Variants in MACF1 observed in about 807,000 individuals in gnomAD.
MACF1 encodes the protein microtubule actin crosslinking factor 1.
Under a neutral mutation model 854.8 loss-of-function variants are expected in MACF1, and 193 were observed. The observed-to-expected ratio is 0.23, with a 90% CI of 0.20 to 0.25. The LOEUF (loss-of-function observed/expected upper bound fraction) is 0.25, where lower values mean the gene tolerates loss of function less well. Among genes scored for constraint, MACF1 ranks in the 10% least tolerant of loss-of-function variants. MACF1 has a pLI of 1.00. For synonymous variants in MACF1, 3,185 were observed against 3,226.7 expected (o/e 0.99, Z 0.44); for missense variants, 7,722 against 8,929.1 (o/e 0.86, Z 5.45).
chr1:39,109,128 A>G (rs1431757917), intron 2 of MACF1, among the ~76,000 whole-genome samples: 1 of 152,178 alleles, frequency 6.6e-6, no homozygotes, highest in East Asian at 1.9e-4. Flanking sequence ...GTTAATTTCT[A>G]CTGTGTGACC....
intron 35 of MACF1, among the ~76,000 whole-genome samples, chr1:39,326,067 A>G (rs1341111273): frequency 2.0e-5 from 3 of 152,224 alleles, no homozygotes; most frequent in Middle Eastern, 6.8e-3. Flanking sequence ...GAGTGCAAGG[A>G]TAATGGTAAG....
rs535091729 is a variant in MACF1 at position 39,374,470 on chromosome 1, T to C, written c.13213+1874T>C. On this transcript the variant is annotated intron_variant, in intron 52 of 100. Transcript: ENST00000564288. ...CACAAGTGACATTTCAGGGAATTGG[T>C]GATATATCAACCTCTACGTTCAGTG... Among the ~76,000 whole-genome samples the C allele has an allele frequency of 1.9e-3, 282 of 152,334 alleles. 2 individuals are homozygous for C. Among genetic ancestry groups the C allele is most frequent in the African/African-American group, 6.2e-3 (259 of 41,582 alleles).
intron 1 of MACF1, among the ~76,000 whole-genome samples, chr1:39,214,713 G>A (rs1381105248): frequency 6.6e-6 from 1 of 152,198 alleles, no homozygotes; most frequent in Non-Finnish European, 1.5e-5. Flanking sequence ...GTAAGTGCGG[G>A]GAAGGGAAAC....
intron 2 of MACF1, among the ~76,000 whole-genome samples, chr1:39,247,022 C>T (rs1453865278): frequency 3.3e-5 from 5 of 151,316 alleles, no homozygotes; most frequent in African/African-American, 1.2e-4. Flanking sequence ...CTGTCTCAGC[C>T]TCTCGAGTAG....
rs114515724 is a variant in MACF1, at chr1:39,208,178, T to A, written c.109+3047T>A. Among the ~76,000 whole-genome samples, 120 of 150,502 alleles carry A rather than the reference T, an allele frequency of 8.0e-4. 1 individual carries two copies. The highest frequency in any genetic ancestry group is 3.4e-3 in the Middle Eastern group (1 of 292). On this transcript the variant is annotated intron_variant, in intron 1 of 100. Transcript: ENST00000564288. ...GAAATATAAAAGGGTTTTTTTTTTT[T>A]AATTAAATCTACTCCGTTCCTGTTT...
intron 2 of MACF1, among the ~76,000 whole-genome samples, chr1:39,166,661 C>T (rs776079204): frequency 2.0e-5 from 3 of 151,980 alleles, no homozygotes; most frequent in Admixed American, 6.6e-5. Flanking sequence ...CCATGTTGCC[C>T]AGGCTAGTCT....
chr1:39,365,346 G>A (rs769801326), intron 49 of MACF1, among the ~76,000 whole-genome samples: 52 of 152,118 alleles, frequency 3.4e-4, no homozygotes, highest in Non-Finnish European at 7.4e-5. Context: ...AAAGGCCTGG[G>A]ATTACAGACA....
chr1:39,314,863 G>A (rs867803468), intron 26 of MACF1, among the ~76,000 whole-genome samples: 2 of 152,158 alleles, frequency 1.3e-5, no homozygotes, highest in African/African-American at 4.8e-5. Context: ...TTAGCCTAAA[G>A]GTATATCTAT....
intron 47 of MACF1, among the ~76,000 whole-genome samples, chr1:39,360,396 G>A (rs1167409152): frequency 1.3e-5 from 2 of 151,860 alleles, no homozygotes; most frequent in African/African-American, 4.8e-5. Flanking sequence ...AGATACTTAA[G>A]TATCTTTAGT....
chr1:39,410,906 G>A, intron 58 of MACF1: 1 of 1,614,012 alleles, frequency 6.2e-7, no homozygotes, highest in Non-Finnish European at 8.5e-7. Context: ...AACTTAAGTG[G>A]AGACTGCCAG....
chr1:39,341,693 C>T (rs1198499122), intron 40 of MACF1, among the ~76,000 whole-genome samples: 2 of 151,504 alleles, frequency 1.3e-5, no homozygotes, highest in African/African-American at 2.4e-5. Context: ...AACGAAACTC[C>T]GTCTTAAAAT....
chr1:39,278,080 T>A (rs115043030), intron 6 of MACF1, among the ~76,000 whole-genome samples: 2 of 152,358 alleles, frequency 1.3e-5, no homozygotes, highest in Non-Finnish European at 2.9e-5. Flanking sequence ...TTCTCAGGCA[T>A]ACTGTTGAGG....
Position 39,332,448 on chromosome 1 carries a change from A to G in MACF1, c.5860A>G (p.Lys1954Glu), listed in dbSNP as rs76646848. Residue 1954 changes from lysine to glutamate, a missense_variant, in exon 37 of 101, where the codon AAG (lysine) becomes GAG (glutamate). By Grantham distance (56) the Lys-to-Glu change is moderately conservative. Around this residue, in one of 15 missense-constraint regions of MACF1, gnomAD observed 1,531 missense variants for 1,601.6 expected, o/e 0.96. Transcript: ENST00000564288. ...TCTACCGTGCAGCAAGAGCCACCCT[A>G]AGGCCACAGCAAGCCAGAGTGAGAA... Reference protein sequence around the residue: ...AVLPCSKSHPKATASQSENLL... With the variant: ...AVLPCSKSHPEATASQSENLL... 133 of 1,614,062 alleles carry G rather than the reference A, an allele frequency of 8.2e-5. No individual in the cohort carries two copies. The African/African-American group carries it at 1.3e-3, about 16-fold the overall frequency.
Position 39,310,382 on chromosome 1 carries a change from A to G in MACF1, c.3054A>G (p.Glu1018=), listed in dbSNP as rs138972929. 228 of 1,614,152 alleles carry G rather than the reference A, an allele frequency of 1.4e-4. No homozygotes were observed. In the African/African-American group the frequency reaches 2.5e-3, roughly 18 times the overall value. ...GCTTGCGCTTGGAAGAGGAGGTGGAAGCTTGTAAAGCCCGCTTCCAGCACC... is the reference window on the plus strand; with the variant it reads ...GCTTGCGCTTGGAAGAGGAGGTGGAGGCTTGTAAAGCCCGCTTCCAGCACC... ...ADRLRLEEEV[E]ACKARFQHLM... The change falls in exon 25 of 101, where the codon GAA becomes GAG. Residue 1018 remains glutamate, a synonymous_variant. Coordinates refer to ENST00000564288, the MANE Select transcript of MACF1 (RefSeq NM_001394062.1).
intron 6 of MACF1, among the ~76,000 whole-genome samples, chr1:39,264,662 CTTTTTTT>C (rs35145613): frequency 2.4e-5 from 2 of 81,640 alleles, no homozygotes; most frequent in Non-Finnish European, 2.5e-5. Flanking sequence ...GATAGGATTT[CTTTTTTT>C]TTTTTTTTTT....
At position 39,460,678 on chromosome 1, in the gene MACF1, A is replaced by G; in HGVS notation, c.21407A>G (p.Tyr7136Cys). 1 of 1,614,226 alleles carries G rather than the reference A, an allele frequency of 6.2e-7. No homozygotes were observed. ...GACTTTGATGTCTGGAGGAAAAAGT[A>G]TATGCGTTGGATGAATCACAAAAAG... Reference protein sequence around the residue: ...NFDFDVWRKKYMRWMNHKKSR... With the variant: ...NFDFDVWRKKCMRWMNHKKSR... Residue 7136 changes from tyrosine to cysteine, a missense_variant, in exon 92 of 101, where the codon TAT becomes TGT. Physicochemically the swap from Tyr to Cys is radical, Grantham distance 194. Coordinates refer to ENST00000564288, the MANE Select transcript of MACF1 (RefSeq NM_001394062.1). This position sits in a 1 kb window ranked among gnomAD's most constrained non-coding sequence, Gnocchi z 4.1.
At chr1:39,263,351 C>T (rs1486938584) in intron 6 of MACF1, among the ~76,000 whole-genome samples, 1 of 152,118 alleles carries the variant, frequency 6.6e-6, no homozygotes, top group East Asian at 1.9e-4. Context: ...TTTATGGTTT[C>T]TAAAATGCTT....
intron 1 of MACF1, among the ~76,000 whole-genome samples, chr1:39,221,396 A>C (rs557653782): frequency 1.3e-5 from 2 of 152,190 alleles, no homozygotes; most frequent in Non-Finnish European, 2.9e-5. Context: ...ACAGCTATCA[A>C]TTTTTAACTC....
At chr1:39,190,789 G>A (rs1049657539) in intron 2 of MACF1, among the ~76,000 whole-genome samples, 6 of 151,970 alleles carry the variant, frequency 3.9e-5, no homozygotes. Context: ...GAGGCCAGGA[G>A]TTTGAGACTG....
Sources: gnomAD v4.1 joint callset for allele counts (sites outside exome capture counted in the v4.1 genomes callset) on GRCh38, gnomAD v4.1.1 for gene constraint, gnomAD v4.1.1 regional missense constraint, Gnocchi (gnomAD v3.1) non-coding constraint, MANE v1.5 for transcripts, NCBI Gene and HGNC (gene_info 2026-07-23, HGNC 2026-07-21) for gene names.